Variants in DPYD observed in about 807,000 individuals in gnomAD.
DPYD encodes the protein dihydropyrimidine dehydrogenase [NADP(+)].
DPYD carries 109 observed loss-of-function variants against 116.2 expected under a neutral mutation model. The observed-to-expected ratio is 0.94, with a 90% CI of 0.80 to 1.10. The LOEUF is 1.10. Among genes scored for constraint, DPYD ranks in the 50% least tolerant of loss-of-function variants. The probability of loss-of-function intolerance (pLI) is 0.00; values close to 1 mark genes in which losing one functional copy is unlikely to be tolerated. For missense variants in DPYD, 1,302 were observed against 1,254.5 expected, an observed-to-expected ratio of 1.04 and a Z score of -0.57; for synonymous variants, 440 against 432.0, an observed-to-expected ratio of 1.02 and a Z score of -0.23.
intron 16 of DPYD, among the ~76,000 whole-genome samples, chr1:97,334,822 T>C (rs1234395312): frequency 6.6e-6 from 1 of 152,176 alleles, no homozygotes; most frequent in Non-Finnish European, 1.5e-5. Flanking sequence ...TATTTAAATT[T>C]GTCCTTGGAG....
At chr1:97,333,201 G>A (rs1266294930) in intron 16 of DPYD, among the ~76,000 whole-genome samples, 1 of 151,848 alleles carries the variant, frequency 6.6e-6, no homozygotes, top group South Asian at 2.1e-4. Context: ...GGGACTATAG[G>A]CATGCACCAC....
At chr1:97,439,359 T>TA (rs1279376333) in intron 14 of DPYD, among the ~76,000 whole-genome samples, 1 of 152,176 alleles carries the variant, frequency 6.6e-6, no homozygotes, top group East Asian at 1.9e-4. Flanking sequence ...TCTAAGTAGT[T>TA]TAGCGAATCT....
chr1:97,402,396 A>C (rs1210779888), intron 14 of DPYD, among the ~76,000 whole-genome samples: 1 of 152,072 alleles, frequency 6.6e-6, no homozygotes, highest in African/African-American at 2.4e-5. Flanking sequence ...AAATAATATT[A>C]TGTTTCTTTT....
chr1:97,757,041 T>C (rs1340410454), intron 3 of DPYD, among the ~76,000 whole-genome samples: 21 of 152,150 alleles, frequency 1.4e-4, no homozygotes, highest in Admixed American at 1.4e-3. Flanking sequence ...CAAACTATAA[T>C]ATAATTAATT....
At chr1:97,848,950 T>C (rs1428920456) in intron 2 of DPYD, among the ~76,000 whole-genome samples, 1 of 152,188 alleles carries the variant, frequency 6.6e-6, no homozygotes, top group Non-Finnish European at 1.5e-5. Flanking sequence ...AAAATCTGTA[T>C]ATATCCTAAG....
chr1:97,697,324 G>A (rs1225307045), intron 6 of DPYD, among the ~76,000 whole-genome samples: 5 of 152,166 alleles, frequency 3.3e-5, no homozygotes, highest in East Asian at 1.9e-4. Context: ...TGGATGCAAA[G>A]GAGAAGGAAA....
intron 12 of DPYD, among the ~76,000 whole-genome samples, chr1:97,521,093 C>T (rs1484580334): frequency 1.3e-5 from 2 of 152,218 alleles, no homozygotes; most frequent in Admixed American, 1.3e-4. Flanking sequence ...CTCCCACCAA[C>T]AGTGTAAAAG....
At chr1:97,300,432 G>A (rs1485381121) in intron 18 of DPYD, among the ~76,000 whole-genome samples, 11 of 152,160 alleles carry the variant, frequency 7.2e-5, no homozygotes, top group South Asian at 2.1e-4. Context: ...CGATAATCAT[G>A]TGATTGACAC....
chr1:97,082,525 ATAAT>A (rs1649231228), intron 21 of DPYD, 55 bp from the exon 22 acceptor site: 1 of 1,591,540 alleles, frequency 6.3e-7, no homozygotes, highest in Non-Finnish European at 8.6e-7. Flanking sequence ...TTTTCATGTA[ATAAT>A]TAATATCACT....
At chr1:97,365,550 A>G (rs532113974) in intron 16 of DPYD, among the ~76,000 whole-genome samples, 25 of 152,314 alleles carry the variant, frequency 1.6e-4, no homozygotes, top group African/African-American at 6.0e-4. Flanking sequence ...TTTGAGGGTG[A>G]TTTTTAAAAA....
rs2811178 is a variant in DPYD at position 97,515,686 on chromosome 1, T to C, written c.1740+40A>G. 938,128 of 1,555,840 alleles carry C rather than the reference T, an allele frequency of 0.6. 284,426 individuals carry two copies. Among genetic ancestry groups the C allele is most frequent in the East Asian group, 0.77 (34,054 of 44,074 alleles). ...ATGTTTATACCTTAATTAAAATATA[T>C]GATAGACATTTCTATATGACTTCAA... On this transcript the variant is annotated intron_variant, in intron 13 of 22. Coordinates refer to ENST00000370192, the MANE Select transcript of DPYD (RefSeq NM_000110.4).
intron 13 of DPYD, among the ~76,000 whole-genome samples, chr1:97,514,736 AT>A (rs1648076806): frequency 6.6e-6 from 1 of 151,706 alleles, no homozygotes; most frequent in South Asian, 2.1e-4. Context: ...ACTTTTGAGA[AT>A]TCTCTAGATT....
At chr1:97,713,153 G>A (rs926567297) in intron 5 of DPYD, among the ~76,000 whole-genome samples, 1 of 151,882 alleles carries the variant, frequency 6.6e-6, no homozygotes, top group Non-Finnish European at 1.5e-5. Context: ...TTTTACAAGT[G>A]ATTCATGTTG....
chr1:97,340,873 G>T (rs1669554843), intron 16 of DPYD, among the ~76,000 whole-genome samples: 1 of 152,086 alleles, frequency 6.6e-6, no homozygotes, highest in East Asian at 1.9e-4. Flanking sequence ...ATACTCATGT[G>T]AATTACTTGA....
At chr1:97,146,651 C>T (rs951970737) in intron 20 of DPYD, among the ~76,000 whole-genome samples, 47 of 152,082 alleles carry the variant, frequency 3.1e-4, no homozygotes, top group African/African-American at 1.0e-3. Flanking sequence ...TTTTTTAAAC[C>T]TTACGGAACC....
chr1:97,832,551 A>C (rs1669588899), intron 2 of DPYD, among the ~76,000 whole-genome samples: 1 of 152,222 alleles, frequency 6.6e-6, no homozygotes, highest in African/African-American at 2.4e-5. Context: ...AGGCCAAATT[A>C]ATACCCATAA....
At chr1:97,656,640 T>C (rs1054930940) in intron 8 of DPYD, among the ~76,000 whole-genome samples, 2 of 152,158 alleles carry the variant, frequency 1.3e-5, no homozygotes, top group Non-Finnish European at 2.9e-5. Context: ...CTTCTGGGCT[T>C]ATGATTTTTG....
chr1:97,822,249 C>T (rs1436524694), intron 3 of DPYD, among the ~76,000 whole-genome samples: 2 of 148,018 alleles, frequency 1.4e-5, no homozygotes, highest in African/African-American at 5.0e-5. Context: ...TATATATATA[C>T]ACACACACAG....
intron 19 of DPYD, among the ~76,000 whole-genome samples, chr1:97,214,499 C>G (rs146238936): frequency 6.6e-6 from 1 of 152,128 alleles, no homozygotes; most frequent in Non-Finnish European, 1.5e-5. Flanking sequence ...TATTCAACCA[C>G]GTTGGATAAT....
Sources: gnomAD v4.1 joint callset for allele counts (sites outside exome capture counted in the v4.1 genomes callset) on GRCh38, gnomAD v4.1.1 for gene constraint, MANE v1.5 for transcripts, NCBI Gene and HGNC (gene_info 2026-07-23, HGNC 2026-07-21) for gene names.